MED1: variants seen among roughly 807,000 people sequenced by gnomAD.
The protein encoded by MED1 is mediator of RNA polymerase II transcription subunit 1.
MED1 carries 17 observed loss-of-function variants against 121.3 expected under a neutral mutation model. That is an observed-to-expected ratio of 0.14 (90% CI 0.10 to 0.21). MED1 has a LOEUF of 0.21. Among genes scored for constraint, MED1 ranks in the 10% least tolerant of loss-of-function variants. The pLI, the probability that MED1 is intolerant of heterozygous loss-of-function variation, is 1.00. For missense variants in MED1, 1,558 were observed against 1,919.4 expected, an observed-to-expected ratio of 0.81 and a Z score of 3.52; for synonymous variants, 661 against 694.4, an observed-to-expected ratio of 0.95 and a Z score of 0.76.
chr17:39,431,403 G>A (rs780481493), intron 8 of MED1, among the ~76,000 whole-genome samples: 4 of 151,786 alleles, frequency 2.6e-5, no homozygotes, highest in South Asian at 2.1e-4. Context: ...TCAGCCTCCC[G>A]AGTAGCTGGG....
rs890694151 is a variant in MED1, at chr17:39,450,099, C to G, written c.25+939G>C. Reference sequence around the variant, plus strand: ...AAAGTGCTGGGATTACACGCGTGAGCCACAGTGCCCGGCAATTTTTTTATT... The same window carrying G: ...AAAGTGCTGGGATTACACGCGTGAGGCACAGTGCCCGGCAATTTTTTTATT... On this transcript the variant is annotated intron_variant, in intron 1 of 16. Transcript: ENST00000300651. Among the ~76,000 whole-genome samples, 11 of 146,558 alleles carry G rather than the reference C, an allele frequency of 7.5e-5. No individual in the cohort carries two copies. In the Admixed American group the frequency reaches 7.8e-4, roughly 10 times the overall value.
At chr17:39,438,225 G>A (rs1469379308) in intron 6 of MED1, among the ~76,000 whole-genome samples, 1 of 151,008 alleles carries the variant, frequency 6.6e-6, no homozygotes. Flanking sequence ...AGGCTGGAGT[G>A]CAGTGGCACG....
chr17:39,415,864 C>A (rs1357737199), intron 14 of MED1, among the ~76,000 whole-genome samples: 3 of 149,456 alleles, frequency 2.0e-5, no homozygotes, highest in African/African-American at 7.4e-5. Context: ...GTGGCGCACA[C>A]CTGTAATCCT....
rs1567643303 is a variant in MED1 at position 39,419,933 on chromosome 17, C to T, written c.1096-15G>A. ...CCAGGAAGAGCCTGGGCAAAAAGAA[C>T]AGTTAACGAGTGCTATTTAGTTACC... On this transcript the variant is annotated splice_polypyrimidine_tract_variant and intron_variant, in intron 13 of 16. Transcript: ENST00000300651. The T allele has an allele frequency of 2.5e-6, 4 of 1,610,244 alleles. No individual in the cohort carries two copies. The highest frequency in any genetic ancestry group is 1.7e-4 in the Middle Eastern group (1 of 5,916).
intron 10 of MED1, among the ~76,000 whole-genome samples, chr17:39,425,139 G>A (rs974716331): frequency 1.1e-4 from 16 of 151,966 alleles, no homozygotes; most frequent in Non-Finnish European, 2.2e-4. Flanking sequence ...TTGGCCTCCC[G>A]AAGGACTAGG....
intron 1 of MED1, among the ~76,000 whole-genome samples, chr17:39,450,107 C>A (rs2048767838): frequency 8.4e-6 from 1 of 118,802 alleles, no homozygotes; most frequent in South Asian, 4.2e-4. Flanking sequence ...AGCCACAGTG[C>A]CCGGCAATTT....
chr17:39,426,454 TAAATAAAC>T (rs889743936), intron 10 of MED1, among the ~76,000 whole-genome samples: 7 of 151,750 alleles, frequency 4.6e-5, no homozygotes, highest in African/African-American at 1.7e-4. Flanking sequence ...CTTAAATAAA[TAAATAAAC>T]AAACAAACAA....
intron 13 of MED1, among the ~76,000 whole-genome samples, chr17:39,421,238 CAAAAAA>C (rs760121026): frequency 1.5e-5 from 1 of 64,918 alleles, no homozygotes; most frequent in African/African-American, 4.9e-5. Context: ...GCACCAAGAG[CAAAAAA>C]AAAAAAAAGA....
chr17:39,422,940 A>G (rs988380572), intron 13 of MED1, among the ~76,000 whole-genome samples: 1 of 130,724 alleles, frequency 7.6e-6, no homozygotes, highest in South Asian at 2.4e-4. Flanking sequence ...ATCTTGTCTC[A>G]CTGCAACCTC....
chr17:39,448,319 G>A (rs145427337), intron 1 of MED1, among the ~76,000 whole-genome samples: 1,607 of 147,902 alleles, frequency 0.011, 24 homozygotes, highest in African/African-American at 0.038. Flanking sequence ...GCAGTGAGCC[G>A]AGATCACACT....
intron 13 of MED1, among the ~76,000 whole-genome samples, chr17:39,420,228 C>A (rs1245004661): frequency 7.3e-6 from 1 of 137,076 alleles, no homozygotes; most frequent in Non-Finnish European, 1.5e-5. Flanking sequence ...GAGACAGAGT[C>A]TCCCTCTGTT....
At chr17:39,423,479 T>C (rs770276582) in intron 12 of MED1, 34 bp from the exon 13 acceptor site, 2 of 1,553,808 alleles carry the variant, frequency 1.3e-6, no homozygotes, top group South Asian at 2.2e-5. Context: ...ATGATCATGT[T>C]AAGATGAAAA....
At chr17:39,439,025 T>G in intron 6 of MED1, 140 bp downstream of exon 6, 8 of 713,472 alleles carry the variant, frequency 1.1e-5, no homozygotes, top group Non-Finnish European at 1.9e-5. Flanking sequence ...AGGACGTGAT[T>G]AAGTATAGAC....
chr17:39,417,087 T>C (rs1162006452), intron 14 of MED1, among the ~76,000 whole-genome samples: 2 of 148,886 alleles, frequency 1.3e-5, no homozygotes, highest in South Asian at 2.1e-4. Context: ...TCCCAGCACT[T>C]TGGGAGGCCG....
chr17:39,420,628 CTTATTATTATTA>C (rs564032898), intron 13 of MED1, among the ~76,000 whole-genome samples: 1 of 151,232 alleles, frequency 6.6e-6, no homozygotes, highest in Admixed American at 6.6e-5. Flanking sequence ...GGAACGTTCC[CTTATTATTATTA>C]TTATTACTTT....
intron 16 of MED1, among the ~76,000 whole-genome samples, chr17:39,411,392 G>T (rs1006015372): frequency 6.6e-6 from 1 of 152,114 alleles, no homozygotes; most frequent in Admixed American, 6.6e-5. Context: ...AGGCCGAGGA[G>T]GGTGGATCAC....
intron 16 of MED1, among the ~76,000 whole-genome samples, chr17:39,413,621 C>T (rs1470634063): frequency 1.3e-5 from 2 of 151,946 alleles, no homozygotes; most frequent in Non-Finnish European, 2.9e-5. Context: ...GCAGTACCAG[C>T]TACTCAGGAG....
At chr17:39,435,378 TAGG>T (rs761571590) in intron 6 of MED1, among the ~76,000 whole-genome samples, 12 of 152,126 alleles carry the variant, frequency 7.9e-5, no homozygotes, top group South Asian at 4.1e-4. Flanking sequence ...TCTGGCTTTC[TAGG>T]ACCCAATATT....
In MED1 at chr17:39,423,838, G is replaced by T. The variant is rs373257797; in HGVS notation, c.852-17C>A. 9.8e-5 allele frequency: 156 copies of T among 1,591,684 alleles called. 1 individual carries two copies. In the African/African-American group the frequency reaches 1.5e-3, roughly 15 times the overall value. On this transcript the variant is annotated splice_polypyrimidine_tract_variant and intron_variant, in intron 11 of 16. Coordinates refer to ENST00000300651, the MANE Select transcript of MED1 (RefSeq NM_004774.4). The stretch of plus-strand genomic sequence containing the variant: ...GAAGGGGTCCTTCAAAAAAAAGAGG[G>T]TGGAAGGGTTGGATTCTGACTTGAT...
Sources: allele counts gnomAD v4.1 joint callset (sites outside exome capture counted in the v4.1 genomes callset), GRCh38; gene constraint gnomAD v4.1.1; transcripts MANE v1.5; gene names NCBI Gene and HGNC (gene_info 2026-07-23, HGNC 2026-07-21).